Variants in ZNF85 observed in about 807,000 individuals in gnomAD.
The protein encoded by ZNF85 is zinc finger protein 85 (HPF4, HTF1).
In ZNF85, 50 loss-of-function variants were observed where a neutral mutation model predicts 53.9. The observed-to-expected ratio is 0.93, with a 90% confidence interval of 0.74 to 1.17. The LOEUF is 1.17. Ranked by LOEUF, ZNF85 falls within the 50% of genes most tolerant of loss-of-function variation. ZNF85 has a pLI of 0.00. For missense variants in ZNF85, 747 were observed against 688.5 expected, an observed-to-expected ratio of 1.08 and a Z score of -0.95; for synonymous variants, 225 against 226.1, an observed-to-expected ratio of 1.00 and a Z score of 0.04.
rs1973513148 is a variant in ZNF85, at chr19:20,949,438, T to C, written c.924T>C (p.His308=). 6.2e-7 allele frequency: 1 copy of C among 1,610,834 alleles called. No homozygotes were observed. The highest frequency in any genetic ancestry group is 8.5e-7 in the Non-Finnish European group (1 of 1,177,882). Residue 308 remains histidine (H), a synonymous_variant, in exon 4 of 4, where the codon CAT becomes CAC. Transcript: ENST00000328178. ...SSTLTTHRKI[H]TGEKPYKCEE... is the part of the protein sequence containing the mutation. ...CCCTTACTACCCATAGAAAAATTCA[T>C]ACTGGAGAGAAACCTTACAAATGTG...
intron 1 of ZNF85, among the ~76,000 whole-genome samples, chr19:20,924,053 C>G (rs1972824231): frequency 6.7e-6 from 1 of 150,328 alleles, no homozygotes; most frequent in African/African-American, 2.5e-5. Context: ...CCACTGCACT[C>G]CAGCCTGGGC....
At position 20,949,078 on chromosome 19, in the gene ZNF85, CCTAA is replaced by C. The variant is rs1208548948; in HGVS notation, c.567_570del (p.Thr190AsnfsTer9). 1 of 1,613,740 alleles carries C rather than the reference CCTAA, an allele frequency of 6.2e-7. No individual in the cohort carries two copies. Among genetic ancestry groups the C allele is most frequent in the South Asian group, 1.1e-5 (1 of 91,028 alleles). On this transcript the variant is annotated frameshift_variant, in exon 4 of 4. Transcript: ENST00000328178. LOFTEE classifies it high-confidence loss of function. ...GCAAATCATTTGGCATGATTTCATG[CCTAA>C]CTGAACATAGCAGAATTCATACTAG...
intron 3 of ZNF85, among the ~76,000 whole-genome samples, chr19:20,940,537 C>CAA (rs139040245): frequency 0.011 from 1,628 of 148,502 alleles, 20 homozygotes; most frequent in Non-Finnish European, 0.015. Context: ...ACCCTGTCTC[C>CAA]AAAAAAAAAA....
chr19:20,946,377 G>T, intron 3 of ZNF85: 1 of 411,418 alleles, frequency 2.4e-6, no homozygotes, highest in African/African-American at 2.1e-5. Flanking sequence ...TGTTCTCTAT[G>T]CCTCTGTTAG....
chr19:20,942,518 T>C (rs1041883961), intron 3 of ZNF85, among the ~76,000 whole-genome samples: 2 of 152,116 alleles, frequency 1.3e-5, no homozygotes, highest in African/African-American at 4.8e-5. Flanking sequence ...TAATCAAATT[T>C]TAAACAATAT....
intron 2 of ZNF85, 119 bp from the exon 3 acceptor site, chr19:20,934,830 A>T: frequency 1.9e-6 from 1 of 537,194 alleles, no homozygotes. Flanking sequence ...TTTTTTAAAT[A>T]TTTGAAAATG....
chr19:20,932,553 A>G (rs2059139), intron 1 of ZNF85, among the ~76,000 whole-genome samples: 8,156 of 152,288 alleles, frequency 0.054, 323 homozygotes, highest in Middle Eastern at 0.092. Context: ...ATTGGGGGAA[A>G]GCTGGAGTCA....
intron 1 of ZNF85, among the ~76,000 whole-genome samples, chr19:20,933,525 C>A (rs1191535744): frequency 6.6e-6 from 1 of 152,152 alleles, no homozygotes; most frequent in Non-Finnish European, 1.5e-5. Context: ...TACTGGTGAG[C>A]TTGTTAGAAA....
chr19:20,938,460 C>T (rs1973210690), intron 3 of ZNF85, among the ~76,000 whole-genome samples: 1 of 151,938 alleles, frequency 6.6e-6, no homozygotes, highest in South Asian at 2.1e-4. Context: ...GCCTGGCTCT[C>T]TCATAAGGGC....
intron 3 of ZNF85, chr19:20,942,747 A>G: frequency 2.9e-6 from 2 of 684,896 alleles, no homozygotes; most frequent in Non-Finnish European, 5.3e-6. Flanking sequence ...ACAGTGTATA[A>G]TTTTTGTCTG....
chr19:20,926,780 G>T (rs1972889997), intron 1 of ZNF85: 1 of 151,968 alleles, frequency 6.6e-6, no homozygotes, highest in Non-Finnish European at 1.5e-5. Flanking sequence ...TCTCACTGAT[G>T]ATAAAGTTTT....
intron 1 of ZNF85, chr19:20,928,297 T>C (rs978928770): frequency 6.6e-6 from 1 of 152,244 alleles, no homozygotes; most frequent in Non-Finnish European, 1.5e-5. Context: ...AGAATTGCTT[T>C]GTGTTCAGCA....
At chr19:20,947,501 T>G (rs1973451384) in intron 3 of ZNF85, among the ~76,000 whole-genome samples, 1 of 142,022 alleles carries the variant, frequency 7.0e-6, no homozygotes, top group Non-Finnish European at 1.5e-5. Flanking sequence ...TTTTTTTTTT[T>G]TTTTTTTTTT....
chr19:20,939,999 T>G (rs1973256234), intron 3 of ZNF85, among the ~76,000 whole-genome samples: 1 of 152,158 alleles, frequency 6.6e-6, no homozygotes, highest in Admixed American at 6.6e-5. Flanking sequence ...GCCTGACCTC[T>G]TAGCTGATTT....
rs1398868386 is a variant in ZNF85, at chr19:20,938,714, T to A, written c.229+3667T>A. ...CCATATTTACTAAAATAGTTACTTATAAATTTAAGTTTGCTGCAGGCAAAA... is the reference window on the plus strand; with the variant it reads ...CCATATTTACTAAAATAGTTACTTAAAAATTTAAGTTTGCTGCAGGCAAAA... On this transcript the variant is annotated intron_variant, in intron 3 of 3. Coordinates refer to ENST00000328178, the MANE Select transcript of ZNF85 (RefSeq NM_003429.5). Among the ~76,000 whole-genome samples the A allele has an allele frequency of 3.9e-5, 6 of 152,212 alleles. No homozygotes were observed. In the East Asian group the frequency reaches 1.2e-3, roughly 29 times the overall value.
In ZNF85 at chr19:20,935,044, AC is replaced by A; in HGVS notation, c.227del (p.Thr76LysfsTer17). 1 of 1,606,866 alleles carries A rather than the reference AC, an allele frequency of 6.2e-7. No homozygotes were observed. Among genetic ancestry groups the A allele is most frequent in the Non-Finnish European group, 8.5e-7 (1 of 1,175,964 alleles). On this transcript the variant is annotated frameshift_variant and splice_region_variant, in exon 3 of 4. Coordinates refer to ENST00000328178, the MANE Select transcript of ZNF85 (RefSeq NM_003429.5). LOFTEE classifies it high-confidence loss of function. The part of the protein sequence containing the change: ...KRHEIMVAKP[T>X]VMCSHFAQDL... ...ACATGAGATCATGGTGGCCAAACCC[AC>A]AGGTAGGTGAAAGTGAAAATGAATA...
chr19:20,946,570 G>GCACACACACA (rs74172383), intron 3 of ZNF85, among the ~76,000 whole-genome samples: 143 of 145,160 alleles, frequency 9.9e-4, no homozygotes, highest in African/African-American at 2.9e-3. Flanking sequence ...ATATACACAT[G>GCACACACACA]CACACACACA....
intron 3 of ZNF85, among the ~76,000 whole-genome samples, chr19:20,945,064 G>A (rs1973388017): frequency 6.6e-6 from 1 of 151,982 alleles, no homozygotes. Context: ...CTGTGTGGGA[G>A]AAACACTTTT....
intron 1 of ZNF85, among the ~76,000 whole-genome samples, chr19:20,925,634 A>C (rs1412575104): frequency 6.6e-6 from 1 of 152,210 alleles, no homozygotes; most frequent in Non-Finnish European, 1.5e-5. Flanking sequence ...AAGAACTTGC[A>C]AAGTAAAATG....
Sources: allele counts gnomAD v4.1 joint callset (sites outside exome capture counted in the v4.1 genomes callset), GRCh38; gene constraint gnomAD v4.1.1; transcripts MANE v1.5; gene names NCBI Gene and HGNC (gene_info 2026-07-23, HGNC 2026-07-21).